Variants in APCS observed in about 807,000 individuals in gnomAD.
APCS encodes the protein amyloid P component, serum, also known as serum amyloid P-component.
Under a neutral mutation model 2.5 loss-of-function variants are expected in APCS, and 2 were observed. The observed-to-expected ratio is 0.80, with a 90% CI of 0.33 to 2.53. The LOEUF (loss-of-function observed/expected upper bound fraction) is 2.53, where lower values mean the gene tolerates loss of function less well. Among genes scored for constraint, APCS ranks in the 30% most tolerant of loss-of-function variants. APCS has a pLI of 0.11. For synonymous variants in APCS, 109 were observed against 102.5 expected, an observed-to-expected ratio of 1.06 and a Z score of -0.39; for missense variants, 302 against 258.9, an observed-to-expected ratio of 1.17 and a Z score of -1.14.
chr1:159,588,531 G>T lies in APCS; in HGVS notation c.495G>T (p.Arg165Ser). 6.2e-7 allele frequency: 1 copy of T among 1,613,944 alleles called. No homozygotes were observed. The highest frequency in any genetic ancestry group is 1.3e-5 in the African/African-American group (1 of 74,978). ...EQDSYGGKFDRSQSFVGEIGD... is the reference protein window; with the variant it reads ...EQDSYGGKFDSSQSFVGEIGD... The stretch of plus-strand genomic sequence containing the variant: ...ATTCCTATGGGGGCAAGTTTGATAG[G>T]AGCCAGTCCTTTGTGGGAGAGATTG... Residue 165 changes from arginine (R) to serine (S), a missense_variant, in exon 2 of 2, where the codon AGG becomes AGT. Physicochemically the swap from Arg to Ser is moderately radical, Grantham distance 110. Transcript: ENST00000255040.
chr1:159,588,732 T>C lies in APCS; in HGVS notation c.*24T>C. On this transcript the variant is annotated 3_prime_UTR_variant, in exon 2 of 2. Coordinates refer to ENST00000255040, the MANE Select transcript of APCS (RefSeq NM_001639.4). ...GAGGTCTTGACTCAACGAGAGCACT[T>C]GAAAATGAAATGACTGTCTAAGAGA... is the stretch of plus-strand genomic sequence containing the variant. 1.3e-6 allele frequency: 2 copies of C among 1,585,036 alleles called. No homozygotes were observed. The highest frequency in any genetic ancestry group is 1.7e-6 in the Non-Finnish European group (2 of 1,161,366).
At position 159,588,171 on chromosome 1, in the gene APCS, G is replaced by A; in HGVS notation, c.135G>A (p.Leu45=). The A allele has an allele frequency of 1.2e-6, 2 of 1,613,964 alleles. No homozygotes were observed. Among genetic ancestry groups the A allele is most frequent in the Non-Finnish European group, 8.5e-7 (1 of 1,179,868 alleles). Reference sequence around the variant, plus strand: ...ATCATGTAAACTTGATCACACCGCTGGAGAAGCCTCTACAGAACTTTACCT... The same window carrying A: ...ATCATGTAAACTTGATCACACCGCTAGAGAAGCCTCTACAGAACTTTACCT... ...VTDHVNLITP[L]EKPLQNFTLC... Residue 45 remains leucine, a synonymous_variant, in exon 2 of 2, where the codon CTG becomes CTA. Coordinates refer to ENST00000255040, the MANE Select transcript of APCS (RefSeq NM_001639.4).
rs746424116 is a variant in APCS at position 159,588,397 on chromosome 1, T to C, written c.361T>C (p.Ser121Pro). 1 of 1,614,022 alleles carries C rather than the reference T, an allele frequency of 6.2e-7. No homozygotes were observed. Among genetic ancestry groups the C allele is most frequent in the South Asian group, 1.1e-5 (1 of 91,082 alleles). Residue 121 changes from serine (S) to proline (P), a missense_variant, in exon 2 of 2, where the codon TCA becomes CCA. By Grantham distance (74) the Ser-to-Pro change is moderately conservative. Transcript: ENST00000255040. ...VHICVSWESSSGIAEFWINGT... is the reference protein window; with the variant it reads ...VHICVSWESSPGIAEFWINGT... The stretch of plus-strand genomic sequence containing the variant: ...CATCTGTGTGAGCTGGGAGTCCTCA[T>C]CAGGTATTGCTGAATTTTGGATCAA...
rs922188274 is a variant in APCS at position 159,588,840 on chromosome 1, A to T, written c.*132A>T. On this transcript the variant is annotated 3_prime_UTR_variant, in exon 2 of 2. Coordinates refer to ENST00000255040, the MANE Select transcript of APCS (RefSeq NM_001639.4). ...TTCCTATCTGTATGTCTGCCTAATTAAAAAAATATATATTGTATTATGCTA... is the reference window on the plus strand; with the variant it reads ...TTCCTATCTGTATGTCTGCCTAATTTAAAAAATATATATTGTATTATGCTA... 9.9e-7 allele frequency: 1 copy of T among 1,007,990 alleles called. No individual in the cohort carries two copies. The highest frequency in any genetic ancestry group is 1.9e-5 in the South Asian group (1 of 53,782). The allele number at this position is 1,007,990 out of a possible 1,614,324, so 62.4% of individuals were successfully genotyped here.
rs1334636177 is a variant in APCS at position 159,588,785 on chromosome 1, C to T, written c.*77C>T. ...TGGTCAAAGCAACTGGATACTAGAT[C>T]TTACATCTGCAGCTCTTTCTTCTTT... On this transcript the variant is annotated 3_prime_UTR_variant, in exon 2 of 2. Transcript: ENST00000255040. 1.6e-5 allele frequency: 22 copies of T among 1,417,100 alleles called. No homozygotes were observed. In the South Asian group the frequency reaches 3.0e-4, roughly 19 times the overall value. The allele number at this position is 1,417,100 out of a possible 1,614,324, so 87.8% of individuals were successfully genotyped here.
rs1658809288 is a variant in APCS at position 159,588,339 on chromosome 1, CAA to C, written c.305_306del (p.Lys102SerfsTer23). 1 of 1,613,964 alleles carries C rather than the reference CAA, an allele frequency of 6.2e-7. No homozygotes were observed. Among genetic ancestry groups the C allele is most frequent in the African/African-American group, 1.3e-5 (1 of 74,890 alleles). On this transcript the variant is annotated frameshift_variant, in exon 2 of 2. Transcript: ENST00000255040. LOFTEE classifies it low-confidence loss of function (END_TRUNC). ...LYIGRHKVTS[K>X]VIEKFPAPVH... ...ACATTGGAAGACACAAAGTTACATCCAAAGTTATCGAAAAGTTCCCGGCTCCA... is the reference window on the plus strand; with the variant it reads ...ACATTGGAAGACACAAAGTTACATCCAGTTATCGAAAAGTTCCCGGCTCCA...
In APCS at chr1:159,588,801, T is replaced by C; in HGVS notation, c.*93T>C. 14 of 1,365,052 alleles carry C rather than the reference T, an allele frequency of 1.0e-5. No individual in the cohort carries two copies. Among genetic ancestry groups the C allele is most frequent in the Non-Finnish European group, 1.4e-5 (14 of 1,008,714 alleles). 84.6% of individuals were successfully genotyped at this position (1,365,052 alleles called of 1,614,324 possible). ...ATACTAGATCTTACATCTGCAGCTC[T>C]TTCTTCTTTGAATTTCCTATCTGTA... On this transcript the variant is annotated 3_prime_UTR_variant, in exon 2 of 2. Transcript: ENST00000255040.
In APCS at chr1:159,588,168, G is replaced by A. The variant is rs371650621; in HGVS notation, c.132G>A (p.Pro44=). Residue 44 remains proline (P), a synonymous_variant, in exon 2 of 2, where the codon CCG becomes CCA. Transcript: ENST00000255040. Reference sequence around the variant, plus strand: ...CTGATCATGTAAACTTGATCACACCGCTGGAGAAGCCTCTACAGAACTTTA... The same window carrying A: ...CTGATCATGTAAACTTGATCACACCACTGGAGAAGCCTCTACAGAACTTTA... ...SVTDHVNLIT[P]LEKPLQNFTL... 4.8e-5 allele frequency: 77 copies of A among 1,613,604 alleles called. No individual in the cohort carries two copies. Among genetic ancestry groups the A allele is most frequent in the South Asian group, 2.3e-4 (21 of 91,076 alleles).
rs767100828 is a variant in APCS, at chr1:159,588,585, G to T, written c.549G>T (p.Leu183=). The T allele has an allele frequency of 6.2e-7, 1 of 1,613,632 alleles. No individual in the cohort carries two copies. Among genetic ancestry groups the T allele is most frequent in the Admixed American group, 1.7e-5 (1 of 59,932 alleles). The change falls in exon 2 of 2, where the codon CTG becomes CTT. Residue 183 remains leucine, a synonymous_variant. Coordinates refer to ENST00000255040, the MANE Select transcript of APCS (RefSeq NM_001639.4). ...IGDLYMWDSV[L]PPENILSAYQ... ...ATTTGTACATGTGGGACTCTGTGCT[G>T]CCCCCAGAAAATATCCTGTCTGCCT...
chr1:159,587,863 G>C lies in APCS; in HGVS notation c.-59G>C. Reference sequence around the variant, plus strand: ...CAGACGCTAGGGGGACAGCCACTGTGTTGTCTGCTACCCTCATCCTGGTCA... The same window carrying C: ...CAGACGCTAGGGGGACAGCCACTGTCTTGTCTGCTACCCTCATCCTGGTCA... On this transcript the variant is annotated 5_prime_UTR_variant, in exon 1 of 2. Transcript: ENST00000255040. 1 of 1,550,654 alleles carries C rather than the reference G, an allele frequency of 6.4e-7. No individual in the cohort carries two copies. Among genetic ancestry groups the C allele is most frequent in the Non-Finnish European group, 8.9e-7 (1 of 1,124,156 alleles).
Position 159,587,868 on chromosome 1 carries a change from C to T in APCS, c.-54C>T. On this transcript the variant is annotated 5_prime_UTR_variant, in exon 1 of 2. Coordinates refer to ENST00000255040, the MANE Select transcript of APCS (RefSeq NM_001639.4). ...GCTAGGGGGACAGCCACTGTGTTGT[C>T]TGCTACCCTCATCCTGGTCACTGCT... 6.4e-7 allele frequency: 1 copy of T among 1,568,100 alleles called. No homozygotes were observed. The highest frequency in any genetic ancestry group is 1.7e-5 in the Admixed American group (1 of 59,914).
rs924754759 is a variant in APCS at position 159,587,930 on chromosome 1, G to A, written c.9G>A (p.Lys3=). 1.2e-6 allele frequency: 2 copies of A among 1,613,830 alleles called. No individual in the cohort carries two copies. Among genetic ancestry groups the A allele is most frequent in the African/African-American group, 1.3e-5 (1 of 74,922 alleles). Residue 3 remains lysine, a synonymous_variant, in exon 1 of 2, where the codon AAG becomes AAA. Transcript: ENST00000255040. ...AGCCCTAGGCCAGGAATATGAACAA[G>A]CCGCTGCTTTGGATCTCTGTCCTCA... The part of the protein sequence containing the change: MN[K]PLLWISVLTS...
chr1:159,587,886 T>C lies in APCS; in HGVS notation c.-36T>C. ...GTGTTGTCTGCTACCCTCATCCTGG[T>C]CACTGCTTCTGCTATAACAGCCCTA... On this transcript the variant is annotated 5_prime_UTR_variant, in exon 1 of 2. Coordinates refer to ENST00000255040, the MANE Select transcript of APCS (RefSeq NM_001639.4). 6.2e-7 allele frequency: 1 copy of C among 1,602,096 alleles called. No individual in the cohort carries two copies.
Position 159,587,998 on chromosome 1 carries a change from AG to A in APCS, c.64+15del, listed in dbSNP as rs1658798767. On this transcript the variant is annotated intron_variant, in intron 1 of 1. Transcript: ENST00000255040. ...TTTGCTCACACAGGTAAGGAGGTGA[AG>A]GAATGGTCAAGAATCATAAAGTGAG... 1.9e-6 allele frequency: 3 copies of A among 1,613,920 alleles called. No homozygotes were observed. Among genetic ancestry groups the A allele is most frequent in the African/African-American group, 1.3e-5 (1 of 75,054 alleles).
Position 159,588,031 on chromosome 1 carries a change from G to A in APCS, c.64+46G>A, listed in dbSNP as rs560956584. On this transcript the variant is annotated intron_variant, in intron 1 of 1. Coordinates refer to ENST00000255040, the MANE Select transcript of APCS (RefSeq NM_001639.4). ...TCAAGAATCATAAAGTGAGAAAATA[G>A]GTTGAAGCTGAGATATCTTTTCCCT... The A allele has an allele frequency of 5.6e-6, 9 of 1,612,840 alleles. No individual in the cohort carries two copies. The South Asian group carries it at 8.8e-5, about 16-fold the overall frequency.
chr1:159,588,455 A>G lies in APCS; in HGVS notation c.419A>G (p.Gln140Arg), dbSNP rs1396878570. The change falls in exon 2 of 2, where the codon CAG (glutamine) becomes CGG (arginine). Residue 140 changes from glutamine (Q) to arginine (R), a missense_variant. Coordinates refer to ENST00000255040, the MANE Select transcript of APCS (RefSeq NM_001639.4). ...GTPLVKKGLRQGYFVEAQPKI... is the reference protein window; with the variant it reads ...GTPLVKKGLRRGYFVEAQPKI... ...CCTTTGGTGAAAAAGGGTCTGCGACAGGGTTACTTTGTAGAAGCTCAGCCC... is the reference window on the plus strand; with the variant it reads ...CCTTTGGTGAAAAAGGGTCTGCGACGGGGTTACTTTGTAGAAGCTCAGCCC... 1.2e-6 allele frequency: 2 copies of G among 1,614,004 alleles called. No homozygotes were observed. The highest frequency in any genetic ancestry group is 1.7e-5 in the Admixed American group (1 of 59,974).
In APCS at chr1:159,588,187, A is replaced by C. The variant is rs1658804384; in HGVS notation, c.151A>C (p.Asn51His). The change falls in exon 2 of 2, where the codon AAC (asparagine) becomes CAC (histidine). Residue 51 changes from asparagine to histidine, a missense_variant. Coordinates refer to ENST00000255040, the MANE Select transcript of APCS (RefSeq NM_001639.4). ...CACACCGCTGGAGAAGCCTCTACAGAACTTTACCTTGTGTTTTCGAGCCTA... is the reference window on the plus strand; with the variant it reads ...CACACCGCTGGAGAAGCCTCTACAGCACTTTACCTTGTGTTTTCGAGCCTA... ...LITPLEKPLQ[N>H]FTLCFRAYSD... 6.2e-7 allele frequency: 1 copy of C among 1,614,116 alleles called. No individual in the cohort carries two copies. Among genetic ancestry groups the C allele is most frequent in the East Asian group, 2.2e-5 (1 of 44,880 alleles).
rs375578988 is a variant in APCS at position 159,587,996 on chromosome 1, G to A, written c.64+11G>A. 6.2e-7 allele frequency: 1 copy of A among 1,613,860 alleles called. No individual in the cohort carries two copies. Among genetic ancestry groups the A allele is most frequent in the Non-Finnish European group, 8.5e-7 (1 of 1,179,870 alleles). ...CCTTTGCTCACACAGGTAAGGAGGTGAAGGAATGGTCAAGAATCATAAAGT... is the reference window on the plus strand; with the variant it reads ...CCTTTGCTCACACAGGTAAGGAGGTAAAGGAATGGTCAAGAATCATAAAGT... On this transcript the variant is annotated intron_variant, in intron 1 of 1. Transcript: ENST00000255040.
rs1471977762 is a variant in APCS at position 159,588,284 on chromosome 1, A to T, written c.248A>T (p.Tyr83Phe). The change falls in exon 2 of 2, where the codon TAT (tyrosine) becomes TTT (phenylalanine). Residue 83 changes from tyrosine to phenylalanine, a missense_variant. Physicochemically the swap from Tyr to Phe is conservative, Grantham distance 22. Transcript: ENST00000255040. ...TQGRDNELLV[Y>F]KERVGEYSLY... is the part of the protein sequence containing the mutation. Reference sequence around the variant, plus strand: ...GGCAGGGATAATGAGCTACTAGTTTATAAAGAAAGAGTTGGAGAGTATAGT... The same window carrying T: ...GGCAGGGATAATGAGCTACTAGTTTTTAAAGAAAGAGTTGGAGAGTATAGT... The T allele has an allele frequency of 1.2e-6, 2 of 1,614,008 alleles. No homozygotes were observed. The highest frequency in any genetic ancestry group is 2.2e-5 in the East Asian group (1 of 44,878).
Sources: gnomAD v4.1 joint callset for allele counts on GRCh38, gnomAD v4.1.1 for gene constraint, MANE v1.5 for transcripts, NCBI Gene and HGNC (gene_info 2026-07-23, HGNC 2026-07-21) for gene names.